Variants in MCM8 observed in about 807,000 individuals in gnomAD.
MCM8 encodes DNA helicase MCM8.
Under a neutral mutation model 98.9 loss-of-function variants are expected in MCM8, and 85 were observed. The observed-to-expected ratio is 0.86, with a 90% CI of 0.72 to 1.03. MCM8 has a LOEUF of 1.03. Ranked by LOEUF, MCM8 falls within the 50% of genes least tolerant of loss-of-function variation. MCM8 has a pLI of 0.00. For synonymous variants in MCM8, 352 were observed against 338.6 expected, an observed-to-expected ratio of 1.04 and a Z score of -0.44; for missense variants, 951 against 997.8, an observed-to-expected ratio of 0.95 and a Z score of 0.63.
In MCM8 at chr20:5,994,875, T is replaced by A. The variant is rs2089933222; in HGVS notation, c.*484T>A. 6 of 267,244 alleles carry A rather than the reference T, an allele frequency of 2.2e-5. 1 individual carries two copies. The highest frequency in any genetic ancestry group is 2.2e-4 in the South Asian group (6 of 27,454). The allele number at this position is 267,244 out of a possible 1,614,324, so 16.6% of individuals were successfully genotyped here. On this transcript the variant is annotated 3_prime_UTR_variant, in exon 19 of 19. Transcript: ENST00000610722. ...AGTGAGCCACAATCACACCAATCAC[T>A]GCACTCCAGCCTGGGCAATAAAGTA...
intron 17 of MCM8, among the ~76,000 whole-genome samples, chr20:5,991,919 C>T (rs1386100097): frequency 1.3e-5 from 2 of 152,146 alleles, no homozygotes; most frequent in Non-Finnish European, 2.9e-5. Context: ...GGTTTTAAAC[C>T]TTTTAAGATT....
chr20:5,967,893 A>G lies in MCM8; in HGVS notation c.1091A>G (p.Asn364Ser), dbSNP rs1428078053. The change falls in exon 10 of 19, where the codon AAT becomes AGT. Residue 364 changes from asparagine to serine, a missense_variant. Asn to Ser is a conservative substitution (Grantham distance 46). Transcript: ENST00000610722. ...LLYIEANSISNSKGQKTKSSE... is the reference protein window; with the variant it reads ...LLYIEANSISSSKGQKTKSSE... ...TATATTGAAGCAAATTCTATTAGTA[A>G]TAGCAAAGGACAGAAAACAAAGAGT... 2 of 1,613,916 alleles carry G rather than the reference A, an allele frequency of 1.2e-6. No homozygotes were observed. Among genetic ancestry groups the G allele is most frequent in the Non-Finnish European group, 1.7e-6 (2 of 1,179,880 alleles).
At chr20:5,991,407 C>T (rs1885530004) in intron 17 of MCM8, 5 of 152,112 alleles carry the variant, frequency 3.3e-5, no homozygotes, top group Admixed American at 3.3e-4. Context: ...ATTTGTACTG[C>T]TTCCCAGAGT....
Position 5,963,293 on chromosome 20 carries a change from G to C in MCM8, c.809G>C (p.Arg270Pro). The change falls in exon 8 of 19, where the codon CGA becomes CCA. Residue 270 changes from arginine (R) to proline (P), a missense_variant. Physicochemically the swap from Arg to Pro is moderately radical, Grantham distance 103. Coordinates refer to ENST00000610722, the MANE Select transcript of MCM8 (RefSeq NM_032485.6). ...LPTKCPVPVCRGRSFTALRSS... is the reference protein window; with the variant it reads ...LPTKCPVPVCPGRSFTALRSS... The stretch of plus-strand genomic sequence containing the variant: ...ATTCAGTGTCCTGTGCCTGTGTGTC[G>C]AGGCAGGTCATTTACTGCTCTCCGC... 6.2e-7 allele frequency: 1 copy of C among 1,613,664 alleles called. No individual in the cohort carries two copies. The highest frequency in any genetic ancestry group is 8.5e-7 in the Non-Finnish European group (1 of 1,179,736).
chr20:5,962,352 CTTTTT>C (rs926577182), intron 7 of MCM8, among the ~76,000 whole-genome samples: 3 of 40,578 alleles, frequency 7.4e-5, no homozygotes, highest in Non-Finnish European at 1.1e-4. Flanking sequence ...GCCTTCATTT[CTTTTT>C]TTTTTTTTTT....
At chr20:5,992,850 T>G (rs2089880790) in intron 17 of MCM8, among the ~76,000 whole-genome samples, 1 of 152,220 alleles carries the variant, frequency 6.6e-6, no homozygotes, top group Non-Finnish European at 1.5e-5. Flanking sequence ...GAAATATAGC[T>G]ATCCCATTGT....
chr20:5,987,415 A>G, intron 17 of MCM8, 57 bp downstream of exon 17: 2 of 1,427,898 alleles, frequency 1.4e-6, no homozygotes. Flanking sequence ...TCCCATCTCA[A>G]ATTAGGTAAT....
At position 5,992,865 on chromosome 20, in the gene MCM8, G is replaced by A. The variant is rs79983509; in HGVS notation, c.2241-641G>A. Among the ~76,000 whole-genome samples the A allele has an allele frequency of 0.014, 2,094 of 152,268 alleles. 156 individuals carry two copies. In the East Asian group the frequency reaches 0.23, roughly 17 times the overall value. On this transcript the variant is annotated intron_variant, in intron 17 of 18. Coordinates refer to ENST00000610722, the MANE Select transcript of MCM8 (RefSeq NM_032485.6). Reference sequence around the variant, plus strand: ...GAAATATAGCTATCCCATTGTTGAGGCAGGGAATCAGCAATAGAGTTGGAT... The same window carrying A: ...GAAATATAGCTATCCCATTGTTGAGACAGGGAATCAGCAATAGAGTTGGAT...
At chr20:5,994,068 C>G (rs929594221) in intron 18 of MCM8, 8 of 374,082 alleles carry the variant, frequency 2.1e-5, no homozygotes, top group African/African-American at 1.7e-4. Context: ...TTTCAGCTAA[C>G]CTAAAACAAA....
chr20:5,969,999 C>G (rs1214057718), intron 10 of MCM8, among the ~76,000 whole-genome samples: 1 of 152,132 alleles, frequency 6.6e-6, no homozygotes, highest in Non-Finnish European at 1.5e-5. Flanking sequence ...CCACAGTTTG[C>G]TTTTTCCCCC....
chr20:5,969,524 G>A (rs553992000), intron 10 of MCM8, among the ~76,000 whole-genome samples: 3 of 151,664 alleles, frequency 2.0e-5, no homozygotes, highest in South Asian at 2.1e-4. Context: ...CCTGGGAGGC[G>A]GAGGTTGCAG....
intron 14 of MCM8, among the ~76,000 whole-genome samples, chr20:5,983,992 C>G (rs1360113321): frequency 1.3e-5 from 2 of 152,122 alleles, no homozygotes; most frequent in Non-Finnish European, 2.9e-5. Flanking sequence ...CATGTCTGTG[C>G]TGTACTATTA....
At chr20:5,953,245 G>A (rs142051955) in intron 3 of MCM8, among the ~76,000 whole-genome samples, 22 of 152,256 alleles carry the variant, frequency 1.4e-4, no homozygotes, top group African/African-American at 4.6e-4. Context: ...TTATAGCATC[G>A]CAGAGCAGGA....
intron 10 of MCM8, among the ~76,000 whole-genome samples, chr20:5,971,404 T>C (rs995024203): frequency 6.6e-6 from 1 of 152,266 alleles, no homozygotes; most frequent in African/African-American, 2.4e-5. Flanking sequence ...CCCAGGTCTT[T>C]AGACAAACTC....
At chr20:5,957,496 C>T (rs2089018643) in intron 6 of MCM8, among the ~76,000 whole-genome samples, 1 of 152,060 alleles carries the variant, frequency 6.6e-6, no homozygotes, top group South Asian at 2.1e-4. Context: ...TTATCAAGAC[C>T]CTGCTGTGTA....
intron 10 of MCM8, among the ~76,000 whole-genome samples, chr20:5,968,437 C>T (rs1312566661): frequency 1.3e-5 from 2 of 151,978 alleles, no homozygotes; most frequent in Non-Finnish European, 2.9e-5. Flanking sequence ...CCTAGCTACT[C>T]GGGAGGCTGA....
At chr20:5,953,586 G>A (rs1458028923) in intron 3 of MCM8, among the ~76,000 whole-genome samples, 3 of 151,998 alleles carry the variant, frequency 2.0e-5, no homozygotes, top group African/African-American at 7.2e-5. Flanking sequence ...CCATTCTCCT[G>A]CCTCAGCCTC....
chr20:5,977,293 A>G (rs1403738574), intron 12 of MCM8, among the ~76,000 whole-genome samples: 1 of 152,218 alleles, frequency 6.6e-6, no homozygotes, highest in African/African-American at 2.4e-5. Flanking sequence ...GTTCAGGGCA[A>G]TGCTGTGATA....
chr20:5,953,468 T>TGTGTGTGTGC (rs1304288030), intron 3 of MCM8, among the ~76,000 whole-genome samples: 46 of 142,392 alleles, frequency 3.2e-4, no homozygotes, highest in African/African-American at 1.2e-3. Context: ...TGTGTGTGTG[T>TGTGTGTGTGC]GTGCATACTT....
Sources: gnomAD v4.1 joint callset for allele counts (sites outside exome capture counted in the v4.1 genomes callset) on GRCh38, gnomAD v4.1.1 for gene constraint, MANE v1.5 for transcripts, NCBI Gene and HGNC (gene_info 2026-07-23, HGNC 2026-07-21) for gene names.